Variants in VGLL1 observed in about 807,000 individuals in gnomAD.
The protein encoded by VGLL1 is vestigial like family member 1, also known as transcription cofactor vestigial-like protein 1.
Under a neutral mutation model 12.0 loss-of-function variants are expected in VGLL1, and 4 were observed. That is an observed-to-expected ratio of 0.33 (90% CI 0.16 to 0.76). The LOEUF is 0.76. VGLL1 is among the 30% of genes least tolerant of loss of function. The pLI is 0.60. For missense variants in VGLL1, 204 were observed against 208.7 expected, an observed-to-expected ratio of 0.98 and a Z score of 0.14; for synonymous variants, 87 against 81.2, an observed-to-expected ratio of 1.07 and a Z score of -0.39.
chrX:136,533,036 G>A (rs1319222906), intron 1 of VGLL1, among the ~76,000 whole-genome samples: 1 of 111,267 alleles, frequency 9.0e-6, no homozygotes, highest in African/African-American at 3.3e-5. Context: ...CTTATGGAGG[G>A]CTCATTTGAG....
In VGLL1 at chrX:136,538,258, C is replaced by T. The variant is rs760027754; in HGVS notation, c.214+2024C>T. 1.9e-4 allele frequency among the ~76,000 whole-genome samples: 21 copies of T among 112,428 alleles called. No homozygotes were observed. The South Asian group carries it at 7.4e-3, about 40-fold the overall frequency. On this transcript the variant is annotated intron_variant, in intron 2 of 4. Transcript: ENST00000370634. ...CACTTTTGTCTTCATGGACCTCCTT[C>T]CTCCACAAAAACATTAAAAGTTACA...
chrX:136,550,427 A>G (rs1480032250), intron 3 of VGLL1: 1 of 164,338 alleles, frequency 6.1e-6, no homozygotes, highest in Non-Finnish European at 1.1e-5. Context: ...TAATGCAGGC[A>G]TTGTCCTATT....
intron 1 of VGLL1, among the ~76,000 whole-genome samples, chrX:136,533,534 C>T (rs2075831762): frequency 9.0e-6 from 1 of 111,544 alleles, no homozygotes; most frequent in African/African-American, 3.3e-5. Context: ...AGATTGCAAG[C>T]TGTGTCAAGC....
intron 3 of VGLL1, among the ~76,000 whole-genome samples, chrX:136,550,073 C>G (rs2075881466): frequency 8.9e-6 from 1 of 112,320 alleles, no homozygotes; most frequent in South Asian, 3.7e-4. Flanking sequence ...ATGTGGAAAA[C>G]AAATTTCCCA....
intron 4 of VGLL1, among the ~76,000 whole-genome samples, chrX:136,553,665 A>G (rs1274538601): frequency 4.5e-5 from 5 of 112,242 alleles, no homozygotes; most frequent in Non-Finnish European, 9.4e-5. Context: ...AGTGAACTAC[A>G]TGAACCTTTC....
intron 4 of VGLL1, among the ~76,000 whole-genome samples, chrX:136,553,559 G>A (rs1035338519): frequency 1.1e-4 from 12 of 111,707 alleles, no homozygotes; most frequent in Admixed American, 2.8e-4. Context: ...TGATCAGCCC[G>A]CCTTGGCCTC....
At chrX:136,542,907 G>A (rs2075860321) in intron 2 of VGLL1, among the ~76,000 whole-genome samples, 1 of 111,519 alleles carries the variant, frequency 9.0e-6, no homozygotes, top group African/African-American at 3.3e-5. Context: ...CTGTGTGCCA[G>A]GCCCTTTGCT....
Position 136,536,053 on chromosome X carries a change from G to A in VGLL1, c.33G>A (p.Leu11=). 1 of 1,211,712 alleles carries A rather than the reference G, an allele frequency of 8.3e-7. No individual in the cohort carries two copies. Among genetic ancestry groups the A allele is most frequent in the Non-Finnish European group, 1.1e-6 (1 of 895,511 alleles). Residue 11 remains leucine (L), a synonymous_variant, in exon 2 of 5, where the codon CTG becomes CTA. Coordinates refer to ENST00000370634, the MANE Select transcript of VGLL1 (RefSeq NM_016267.4). ...AAATGAAGAAGACTGCCATCCGGCT[G>A]CCCAAAGGCAAACAGAAGCCTATAA... MEEMKKTAIR[L]PKGKQKPIKT... is the part of the protein sequence containing the mutation.
intron 1 of VGLL1, among the ~76,000 whole-genome samples, chrX:136,534,311 A>G (rs751672639): frequency 3.1e-4 from 35 of 112,139 alleles, no homozygotes; most frequent in Non-Finnish European, 5.5e-4. Context: ...TTCCTAGTCA[A>G]TCTCTCAATC....
chrX:136,555,665 C>T (rs1337133394), intron 4 of VGLL1, among the ~76,000 whole-genome samples: 8 of 111,887 alleles, frequency 7.2e-5, no homozygotes, highest in Admixed American at 6.6e-4. Flanking sequence ...GATTTTCAGG[C>T]TTGCTTGTGA....
At chrX:136,538,288 A>G (rs1050239668) in intron 2 of VGLL1, among the ~76,000 whole-genome samples, 3 of 112,568 alleles carry the variant, frequency 2.7e-5, no homozygotes, top group Admixed American at 9.4e-5. Flanking sequence ...GTTACATTTT[A>G]TGACTGCATT....
Position 136,538,873 on chromosome X carries a change from A to G in VGLL1, c.214+2639A>G, listed in dbSNP as rs182544480. ...GGCATGGGGTAGCAGCAGATACTAA[A>G]GGAAATGATGTAGAGCTTGCTGTTA... On this transcript the variant is annotated intron_variant, in intron 2 of 4. Transcript: ENST00000370634. 2.4e-3 allele frequency among the ~76,000 whole-genome samples: 221 copies of G among 92,061 alleles called. 1 individual carries two copies. Among genetic ancestry groups the G allele is most frequent in the African/African-American group, 8.9e-3 (214 of 23,954 alleles). 79.9% of individuals were successfully genotyped at this position (92,061 alleles called of 115,157 possible). A position where few individuals can be genotyped will look rare whatever the true frequency, so the allele number is the denominator to read the frequency against.
chrX:136,541,387 G>A (rs998290025), intron 2 of VGLL1, among the ~76,000 whole-genome samples: 2 of 111,744 alleles, frequency 1.8e-5, no homozygotes, highest in African/African-American at 3.3e-5. Context: ...AGTGTGGTGC[G>A]GGCTAGGCAA....
chrX:136,539,761 T>G (rs1211221535), intron 2 of VGLL1, among the ~76,000 whole-genome samples: 3 of 111,838 alleles, frequency 2.7e-5, no homozygotes, highest in Non-Finnish European at 5.6e-5. Flanking sequence ...CAGAATGGAT[T>G]TCAGACGTGC....
In VGLL1 at chrX:136,548,884, TCTC is replaced by T. The variant is rs1311874259; in HGVS notation, c.515_517del (p.Leu172del). 1.7e-6 allele frequency: 2 copies of T among 1,211,864 alleles called. No individual in the cohort carries two copies. The highest frequency in any genetic ancestry group is 2.2e-6 in the Non-Finnish European group (2 of 895,506). ...ATGGGAAACGTGAGCCTCTCCTAAG[TCTC>T]CTCCAGCAAGACAGATGCCTAGCCC... On this transcript the variant is annotated inframe_deletion, in exon 3 of 5. Transcript: ENST00000370634.
At chrX:136,546,250 G>A (rs960916581) in intron 2 of VGLL1, among the ~76,000 whole-genome samples, 1 of 111,794 alleles carries the variant, frequency 8.9e-6, no homozygotes, top group East Asian at 2.8e-4. Flanking sequence ...GCCAGTGCAG[G>A]TTTGTAGTTT....
Position 136,548,688 on chromosome X carries a change from A to C in VGLL1, c.314A>C (p.His105Pro). The C allele has an allele frequency of 1.7e-6, 2 of 1,212,057 alleles. No individual in the cohort carries two copies. The highest frequency in any genetic ancestry group is 2.2e-6 in the Non-Finnish European group (2 of 895,567). The change falls in exon 3 of 5, where the codon CAT becomes CCT. Residue 105 changes from histidine (H) to proline (P), a missense_variant. Transcript: ENST00000370634. ...AACCGTGCCGCCAACTGCAACTTGC[A>C]TGTGCCTGGTCCCATGGCTGTGAAT... ...VTNRAANCNL[H>P]VPGPMAVNQF...
At chrX:136,550,708 C>A in intron 3 of VGLL1, 60 bp from the exon 4 acceptor site, 1 of 998,420 alleles carries the variant, frequency 1.0e-6, no homozygotes, top group Non-Finnish European at 1.4e-6. Context: ...TGCTACTGGG[C>A]ACTCTCTAAC....
At chrX:136,537,599 G>A (rs2075843580) in intron 2 of VGLL1, among the ~76,000 whole-genome samples, 1 of 111,357 alleles carries the variant, frequency 9.0e-6, no homozygotes, top group East Asian at 2.8e-4. Flanking sequence ...TCACTCTGTT[G>A]CTCAGGCTGG....
Sources: gnomAD v4.1 joint callset for allele counts (sites outside exome capture counted in the v4.1 genomes callset) on GRCh38, gnomAD v4.1.1 for gene constraint, MANE v1.5 for transcripts, NCBI Gene and HGNC (gene_info 2026-07-23, HGNC 2026-07-21) for gene names.